PRKAG2: variants seen among roughly 807,000 people sequenced by gnomAD.
PRKAG2 encodes protein kinase AMP-activated non-catalytic subunit gamma 2, also known as 5'-AMP-activated protein kinase subunit gamma-2.
PRKAG2 carries 26 observed loss-of-function variants against 69.6 expected under a neutral mutation model. The observed-to-expected ratio is 0.37, with a 90% CI of 0.27 to 0.52. The LOEUF is 0.52. PRKAG2 is among the 20% of genes least tolerant of loss of function. The pLI is 0.90. For synonymous variants in PRKAG2, 293 were observed against 285.0 expected (o/e 1.03, Z -0.28); for missense variants, 557 against 740.0 (o/e 0.75, Z 2.87).
At chr7:151,837,010 G>A (rs546882577) in intron 1 of PRKAG2, among the ~76,000 whole-genome samples, 147 of 151,790 alleles carry the variant, frequency 9.7e-4, no homozygotes, top group African/African-American at 3.4e-3. Context: ...CTTGAACCCC[G>A]GTTACCTCCA....
intron 3 of PRKAG2, among the ~76,000 whole-genome samples, chr7:151,706,547 G>C (rs1216470874): frequency 6.6e-6 from 1 of 152,216 alleles, no homozygotes; most frequent in Non-Finnish European, 1.5e-5. Context: ...GCTTCTTGCA[G>C]AAAGCCAGAG....
rs1318806851 is a variant in PRKAG2, at chr7:151,698,361, G to C, written c.467-22724C>G. ...CCCCACCCCCTCGCCTGTGCTTCCT[G>C]GGATCATCGCTGGTATGGTTTAGGT... On this transcript the variant is annotated intron_variant, in intron 3 of 15. Transcript: ENST00000287878. 3.3e-5 allele frequency among the ~76,000 whole-genome samples: 5 copies of C among 152,092 alleles called. No homozygotes were observed. In the South Asian group the frequency reaches 6.2e-4, roughly 19 times the overall value.
intron 1 of PRKAG2, among the ~76,000 whole-genome samples, chr7:151,865,102 C>T (rs2080028705): frequency 6.6e-6 from 1 of 152,240 alleles, no homozygotes; most frequent in Non-Finnish European, 1.5e-5. Flanking sequence ...CATGACCTTG[C>T]TTTCCATCCA....
intron 1 of PRKAG2, among the ~76,000 whole-genome samples, chr7:151,800,173 T>C (rs180808133): frequency 0.023 from 3,421 of 151,852 alleles, 115 homozygotes; most frequent in African/African-American, 0.069. Flanking sequence ...CTGGCTAACA[T>C]GGTGAAACCC....
intron 5 of PRKAG2, among the ~76,000 whole-genome samples, chr7:151,596,337 A>T (rs1814518597): frequency 6.6e-6 from 1 of 152,260 alleles, no homozygotes; most frequent in South Asian, 2.1e-4. Flanking sequence ...AACTATCCGA[A>T]ATAGAAATAA....
At chr7:151,857,271 G>A (rs745967228) in intron 1 of PRKAG2, among the ~76,000 whole-genome samples, 7 of 151,958 alleles carry the variant, frequency 4.6e-5, no homozygotes, top group Non-Finnish European at 7.4e-5. Context: ...TTCTGCTCCT[G>A]CCAGCTCCCA....
chr7:151,857,204 G>T (rs2151903047), intron 1 of PRKAG2, among the ~76,000 whole-genome samples: 1 of 151,666 alleles, frequency 6.6e-6, no homozygotes, highest in Non-Finnish European at 1.5e-5. Context: ...GGAAGACGGT[G>T]TGGGAGATGA....
At chr7:151,839,889 C>A (rs944613234) in intron 1 of PRKAG2, among the ~76,000 whole-genome samples, 1 of 152,032 alleles carries the variant, frequency 6.6e-6, no homozygotes, top group South Asian at 2.1e-4. Flanking sequence ...CTGAGCAGGG[C>A]GGCAGAGGAA....
chr7:151,796,038 A>G (rs188079888), intron 1 of PRKAG2, among the ~76,000 whole-genome samples: 26 of 151,104 alleles, frequency 1.7e-4, no homozygotes, highest in African/African-American at 6.1e-4. Flanking sequence ...TTTTCTTAGT[A>G]TACATATATT....
At chr7:151,858,665 G>C (rs1194027578) in intron 1 of PRKAG2, among the ~76,000 whole-genome samples, 1 of 152,204 alleles carries the variant, frequency 6.6e-6, no homozygotes, top group African/African-American at 2.4e-5. Flanking sequence ...CATTGCTGCT[G>C]GAAGAAGGGG....
chr7:151,597,434 T>A (rs570034947), intron 5 of PRKAG2, among the ~76,000 whole-genome samples: 2 of 152,134 alleles, frequency 1.3e-5, no homozygotes, highest in Non-Finnish European at 2.9e-5. Flanking sequence ...TGGGATTATA[T>A]CAAACTAAAA....
intron 1 of PRKAG2, among the ~76,000 whole-genome samples, chr7:151,852,422 G>C (rs539450511): frequency 6.6e-6 from 1 of 152,114 alleles, no homozygotes; most frequent in Admixed American, 6.5e-5. Context: ...TTGAACCCAG[G>C]GGGTGGAGGT....
chr7:151,558,328 A>G, intron 15 of PRKAG2: 1 of 985,470 alleles, frequency 1.0e-6, no homozygotes, highest in Non-Finnish European at 1.2e-6. Context: ...CTTACTGACT[A>G]TTCCATGGAC....
intron 1 of PRKAG2, among the ~76,000 whole-genome samples, chr7:151,830,355 A>G (rs1384757289): frequency 6.6e-6 from 1 of 152,050 alleles, no homozygotes; most frequent in East Asian, 1.9e-4. Flanking sequence ...CAAGTGGCCC[A>G]GGGTGCACCT....
chr7:151,854,939 C>A (rs1216460075), intron 1 of PRKAG2, among the ~76,000 whole-genome samples: 1 of 147,334 alleles, frequency 6.8e-6, no homozygotes, highest in South Asian at 2.1e-4. Context: ...TACACACACA[C>A]CACCCTCCAC....
intron 5 of PRKAG2, among the ~76,000 whole-genome samples, chr7:151,609,737 A>G (rs1818326479): frequency 6.6e-6 from 1 of 152,112 alleles, no homozygotes; most frequent in Non-Finnish European, 1.5e-5. Flanking sequence ...TTTAGTCTAG[A>G]AGGAGGATTG....
At chr7:151,795,814 C>T in intron 1 of PRKAG2, among the ~76,000 whole-genome samples, 1 of 125,764 alleles carries the variant, frequency 8.0e-6, no homozygotes, top group South Asian at 2.6e-4. Context: ...CAGTTCCGAC[C>T]AACGCATGAG....
chr7:151,624,593 A>G (rs1051891605), intron 5 of PRKAG2, among the ~76,000 whole-genome samples: 3 of 152,194 alleles, frequency 2.0e-5, no homozygotes, highest in Non-Finnish European at 4.4e-5. Flanking sequence ...GCACAAGTGT[A>G]ATCACGGCCA....
intron 5 of PRKAG2, among the ~76,000 whole-genome samples, chr7:151,601,083 C>A (rs79670063): frequency 6.6e-6 from 1 of 152,136 alleles, no homozygotes; most frequent in Non-Finnish European, 1.5e-5. Context: ...CTCATCTGAG[C>A]GCACCTGGGG....
Sources: allele counts gnomAD v4.1 joint callset (sites outside exome capture counted in the v4.1 genomes callset), GRCh38; gene constraint gnomAD v4.1.1; transcripts MANE v1.5; gene names NCBI Gene and HGNC (gene_info 2026-07-23, HGNC 2026-07-21).